Variants in CDCA2 observed in about 807,000 individuals in gnomAD.
CDCA2 encodes the protein cell division cycle associated 2.
A neutral mutation model predicts 67.0 loss-of-function variants in CDCA2; 44 were observed. That is an observed-to-expected ratio of 0.66 (90% CI 0.52 to 0.84). The LOEUF is 0.84. Ranked by LOEUF, CDCA2 falls within the 40% of genes least tolerant of loss-of-function variation. The pLI, the probability that CDCA2 is intolerant of heterozygous loss-of-function variation, is 0.00. For synonymous variants in CDCA2, 447 were observed against 418.7 expected (o/e 1.07, Z -0.82); for missense variants, 1,253 against 1,203.2 (o/e 1.04, Z -0.61).
At chr8:25,504,168 A>G (rs1804586172) in intron 14 of CDCA2, among the ~76,000 whole-genome samples, 1 of 152,236 alleles carries the variant, frequency 6.6e-6, no homozygotes, top group Non-Finnish European at 1.5e-5. Flanking sequence ...GATTACCTTG[A>G]AAGTTATTTT....
At chr8:25,504,735 C>T (rs927478385) in intron 14 of CDCA2, among the ~76,000 whole-genome samples, 1 of 152,168 alleles carries the variant, frequency 6.6e-6, no homozygotes, top group Non-Finnish European at 1.5e-5. Context: ...ACAGGGCATC[C>T]ACCACTCTAC....
chr8:25,472,098 G>C (rs796781395), intron 7 of CDCA2: 3 of 152,248 alleles, frequency 2.0e-5, no homozygotes, highest in African/African-American at 7.2e-5. Flanking sequence ...TGCTTCCTCT[G>C]TTTTACCTAT....
chr8:25,503,549 C>G lies in CDCA2; in HGVS notation c.1843+5C>G. 6.3e-7 allele frequency: 1 copy of G among 1,586,180 alleles called. No homozygotes were observed. The highest frequency in any genetic ancestry group is 8.5e-7 in the Non-Finnish European group (1 of 1,171,624). On this transcript the variant is annotated splice_donor_5th_base_variant and intron_variant, in intron 14 of 14. Coordinates refer to ENST00000330560, the MANE Select transcript of CDCA2 (RefSeq NM_152562.4). Reference sequence around the variant, plus strand: ...GCATCCGAAGACTGGGTTCAGGTATCCTGACATTTTCCTGGTAGTTATATT... The same window carrying G: ...GCATCCGAAGACTGGGTTCAGGTATGCTGACATTTTCCTGGTAGTTATATT...
At position 25,460,546 on chromosome 8, in the gene CDCA2, A is replaced by G; in HGVS notation, c.224A>G (p.Asn75Ser). The G allele has an allele frequency of 6.2e-7, 1 of 1,612,696 alleles. No homozygotes were observed. ...LGITPESFVR[N>S]SAGKSSSYLK... ...ATTACACCTGAAAGCTTTGTTAGGAACTCTGCAGGTAAGAAAAGTTGTCAT... is the reference window on the plus strand; with the variant it reads ...ATTACACCTGAAAGCTTTGTTAGGAGCTCTGCAGGTAAGAAAAGTTGTCAT... Residue 75 changes from asparagine (N) to serine (S), a missense_variant, in exon 3 of 15, where the codon AAC becomes AGC. Transcript: ENST00000330560.
upstream of CDCA2, chr8:25,459,187 G>A (rs990447905): frequency 2.0e-5 from 3 of 152,636 alleles, no homozygotes; most frequent in South Asian, 2.1e-4. Flanking sequence ...GGTACCGAGG[G>A]GCGGGGTCGG....
chr8:25,464,121 G>A (rs536133325), intron 4 of CDCA2, among the ~76,000 whole-genome samples: 2 of 152,126 alleles, frequency 1.3e-5, no homozygotes, highest in Non-Finnish European at 2.9e-5. Context: ...CACTCTAAAC[G>A]GTAATTTCCC....
At chr8:25,474,356 G>A (rs757774109) in intron 7 of CDCA2, among the ~76,000 whole-genome samples, 1 of 152,190 alleles carries the variant, frequency 6.6e-6, no homozygotes, top group Non-Finnish European at 1.5e-5. Context: ...GAGAAAACTT[G>A]TCAGTTCTTT....
chr8:25,497,501 AAAAAT>A (rs1563281775), intron 13 of CDCA2, among the ~76,000 whole-genome samples: 31,371 of 85,470 alleles, frequency 0.37, 3,841 homozygotes, highest in East Asian at 0.5. Context: ...TTAAAAAATA[AAAAAT>A]AAAAAAAAAA....
At chr8:25,503,610 A>G (rs768389507) in intron 14 of CDCA2, 66 bp downstream of exon 14, 22 of 1,438,238 alleles carry the variant, frequency 1.5e-5, no homozygotes, top group Non-Finnish European at 2.0e-5. Flanking sequence ...TTGCTATTTT[A>G]CTTTTTTCAC....
intron 7 of CDCA2, 79 bp downstream of exon 7, chr8:25,470,059 T>G (rs920715500): frequency 7.5e-6 from 7 of 935,938 alleles, no homozygotes; most frequent in Non-Finnish European, 1.1e-5. Flanking sequence ...TTGCTAAAAT[T>G]TGGGGGAACT....
rs749612309 is a variant in CDCA2 at position 25,468,389 on chromosome 8, T to G, written c.711T>G (p.Val237=). 1 of 1,611,772 alleles carries G rather than the reference T, an allele frequency of 6.2e-7. No individual in the cohort carries two copies. The highest frequency in any genetic ancestry group is 1.1e-5 in the South Asian group (1 of 90,564). Residue 237 remains valine (V), a synonymous_variant, in exon 6 of 15, where the codon GTT becomes GTG. Transcript: ENST00000330560. ...FNIDTDRACA[V]ETSVDLSEIS... ...TTGATACAGACAGAGCATGTGCAGTTGAAACTTCTGTAGATCTTTCTGAGG... is the reference window on the plus strand; with the variant it reads ...TTGATACAGACAGAGCATGTGCAGTGGAAACTTCTGTAGATCTTTCTGAGG...
intron 13 of CDCA2, among the ~76,000 whole-genome samples, chr8:25,495,195 G>A (rs1804165653): frequency 6.6e-6 from 1 of 152,188 alleles, no homozygotes. Context: ...AGGAGAGAAT[G>A]TGAATGCAAG....
chr8:25,503,395 AG>A lies in CDCA2; in HGVS notation c.1695del (p.Gly567GlufsTer36), dbSNP rs1804549202. The A allele has an allele frequency of 1.2e-6, 2 of 1,613,954 alleles. No individual in the cohort carries two copies. The highest frequency in any genetic ancestry group is 1.7e-6 in the Non-Finnish European group (2 of 1,179,802). On this transcript the variant is annotated frameshift_variant, in exon 14 of 15. Coordinates refer to ENST00000330560, the MANE Select transcript of CDCA2 (RefSeq NM_152562.4). LOFTEE classifies it high-confidence loss of function. ...CAGGTTTTAAAAAGTTGCAGAAAGA[AG>A]AAAGGAAAGGGAAAGAAAAGTGTTC... ...KSQVLKSCRK[K>X]KGKGKKSVQK...
intron 13 of CDCA2, among the ~76,000 whole-genome samples, chr8:25,496,924 C>G (rs1174166856): frequency 6.6e-6 from 1 of 151,988 alleles, no homozygotes; most frequent in East Asian, 1.9e-4. Context: ...ACACACAGAC[C>G]GAGGTGGTCT....
At chr8:25,468,454 G>T (rs767758784) in intron 6 of CDCA2, 41 bp downstream of exon 6, 10 of 1,548,224 alleles carry the variant, frequency 6.5e-6, no homozygotes, top group Non-Finnish European at 8.0e-6. Context: ...GAAGTTGTTG[G>T]TTTTCTGCAT....
At chr8:25,489,708 C>T (rs1274898000) in intron 13 of CDCA2, among the ~76,000 whole-genome samples, 1 of 152,204 alleles carries the variant, frequency 6.6e-6, no homozygotes, top group Non-Finnish European at 1.5e-5. Flanking sequence ...ATGGAACACT[C>T]CTGTACAGTC....
Position 25,506,595 on chromosome 8 carries a change from A to G in CDCA2, c.1929A>G (p.Pro643=), listed in dbSNP as rs115964247. ...VKRKDLLRHD[P]DLHMHQGYDK... The stretch of plus-strand genomic sequence containing the variant: ...GAAAGGATCTTTTGCGTCATGACCC[A>G]GATTTGCATATGCATCAAGGCTATG... Residue 643 remains proline (P), a synonymous_variant, in exon 15 of 15, where the codon CCA becomes CCG. Transcript: ENST00000330560. 1 of 1,608,282 alleles carries G rather than the reference A, an allele frequency of 6.2e-7. No individual in the cohort carries two copies. The highest frequency in any genetic ancestry group is 1.3e-5 in the African/African-American group (1 of 74,626).
At chr8:25,490,520 T>C (rs1385788124) in intron 13 of CDCA2, among the ~76,000 whole-genome samples, 1 of 151,808 alleles carries the variant, frequency 6.6e-6, no homozygotes, top group African/African-American at 2.4e-5. Flanking sequence ...AGGAGGGAGC[T>C]AGAGAGGAGC....
At chr8:25,459,544 C>T (rs1359833710) in intron 1 of CDCA2, 71 bp downstream of exon 1, 1 of 152,536 alleles carries the variant, frequency 6.6e-6, no homozygotes, top group African/African-American at 2.4e-5. Context: ...TCGGCTTACC[C>T]TGCAGCACAG....
Sources: gnomAD v4.1 joint callset for allele counts (sites outside exome capture counted in the v4.1 genomes callset) on GRCh38, gnomAD v4.1.1 for gene constraint, MANE v1.5 for transcripts, NCBI Gene and HGNC (gene_info 2026-07-23, HGNC 2026-07-21) for gene names.